The following AVEN variants were observed in gnomAD, a reference collection of about 807,000 sequenced individuals.
The protein encoded by AVEN is apoptosis and caspase activation inhibitor.
AVEN carries 41 observed loss-of-function variants against 38.1 expected under a neutral mutation model. The observed-to-expected ratio is 1.08, with a 90% confidence interval of 0.84 to 1.40. The LOEUF (loss-of-function observed/expected upper bound fraction) is 1.40. Ranked by LOEUF, AVEN falls within the 40% of genes most tolerant of loss-of-function variation. The pLI is 0.00. For missense variants in AVEN, 605 were observed against 438.8 expected (o/e 1.38, Z -3.38); for synonymous variants, 206 against 171.8 (o/e 1.20, Z -1.56).
intron 4 of AVEN, chr15:34,065,660 T>C (rs1006438536): frequency 6.6e-6 from 1 of 152,060 alleles, no homozygotes; most frequent in Non-Finnish European, 1.5e-5. Flanking sequence ...ATAAAACAGT[T>C]GACATGCATG....
chr15:33,947,668 T>C (rs1199649267), intron 2 of AVEN, among the ~76,000 whole-genome samples: 2 of 152,222 alleles, frequency 1.3e-5, no homozygotes, highest in African/African-American at 4.8e-5. Context: ...ATAAATGCTA[T>C]GTAAATAGTT....
intron 2 of AVEN, among the ~76,000 whole-genome samples, chr15:33,976,631 A>G (rs1407295659): frequency 6.6e-6 from 1 of 152,172 alleles, no homozygotes; most frequent in African/African-American, 2.4e-5. Context: ...AGTATCAGGA[A>G]TAGGACCTTC....
downstream of AVEN, chr15:33,856,120 C>G (rs1232883468): frequency 1.3e-5 from 2 of 152,220 alleles, no homozygotes; most frequent in African/African-American, 2.4e-5. Flanking sequence ...ATGTCTCACC[C>G]AAGACCACAC....
chr15:34,022,488 T>G (rs1898245681), intron 1 of AVEN, among the ~76,000 whole-genome samples: 1 of 152,156 alleles, frequency 6.6e-6, no homozygotes, highest in Admixed American at 6.5e-5. Flanking sequence ...AGGTGGATTT[T>G]CTCAAAGCTC....
intron 2 of AVEN, among the ~76,000 whole-genome samples, chr15:33,962,795 A>T (rs1469372620): frequency 6.6e-6 from 1 of 152,028 alleles, no homozygotes; most frequent in African/African-American, 2.4e-5. Flanking sequence ...AGGCACATAC[A>T]TGTAGTCACA....
rs867392616 is a variant in AVEN, at chr15:34,071,877, G to A, written n.721-1226C>T. 4.6e-5 allele frequency among the ~76,000 whole-genome samples: 7 copies of A among 152,256 alleles called. No individual in the cohort carries two copies. In the Middle Eastern group the frequency reaches 0.01, roughly 222 times the overall value. On this transcript the variant is annotated intron_variant and non_coding_transcript_variant, in intron 1 of 11. Coordinates refer to the AVEN transcript ENST00000675287. ...CCCAAAAGATAGGACTTATCAATAAGAGTCAGAAACAAAATGAAGTCTTTA... is the reference window on the plus strand; with the variant it reads ...CCCAAAAGATAGGACTTATCAATAAAAGTCAGAAACAAAATGAAGTCTTTA...
intron 2 of AVEN, among the ~76,000 whole-genome samples, chr15:33,930,407 T>G (rs745416988): frequency 6.6e-4 from 101 of 152,246 alleles, no homozygotes; most frequent in Middle Eastern, 3.4e-3. Flanking sequence ...AGGTTCAGTT[T>G]AAGCCAAGTA....
upstream of AVEN, among the ~76,000 whole-genome samples, chr15:34,042,602 C>G (rs1441740369): frequency 6.6e-6 from 1 of 151,746 alleles, no homozygotes; most frequent in African/African-American, 2.4e-5. Context: ...GGGGTTTCTC[C>G]ATGTTGGTCA....
intron 3 of AVEN, among the ~76,000 whole-genome samples, chr15:33,874,711 G>T (rs1161547711): frequency 6.6e-6 from 1 of 152,218 alleles, no homozygotes; most frequent in Non-Finnish European, 1.5e-5. Flanking sequence ...GGCATGGTCT[G>T]TCTCATTCAC....
intron 5 of AVEN, chr15:34,062,594 A>G: frequency 1.2e-6 from 1 of 823,708 alleles, no homozygotes; most frequent in South Asian, 1.8e-5. Flanking sequence ...ATGGATGGAC[A>G]AGAAAATCAT....
intron 2 of AVEN, among the ~76,000 whole-genome samples, chr15:33,888,880 T>C (rs144096460): frequency 0.018 from 2,751 of 152,130 alleles, 30 homozygotes; most frequent in South Asian, 0.025. Context: ...CCTCCCCAAG[T>C]AGCTAGGACT....
At chr15:33,867,898 G>C (rs1011253914) in intron 4 of AVEN, 43 bp from the exon 5 acceptor site, 33 of 1,523,250 alleles carry the variant, frequency 2.2e-5, no homozygotes, top group Non-Finnish European at 2.8e-5. Flanking sequence ...TGTGAGTCTT[G>C]CCATATTGGC....
At chr15:33,934,221 A>C (rs968741777) in intron 2 of AVEN, among the ~76,000 whole-genome samples, 1 of 151,960 alleles carries the variant, frequency 6.6e-6, no homozygotes, top group African/African-American at 2.4e-5. Context: ...AAAAAAAAAA[A>C]AAAATTAGCC....
intron 2 of AVEN, among the ~76,000 whole-genome samples, chr15:33,933,716 T>C (rs146081975): frequency 0.01 from 1,571 of 152,252 alleles, 22 homozygotes; most frequent in African/African-American, 0.036. Context: ...CCCAGCACTT[T>C]GGGAGGATGA....
chr15:33,951,579 G>T (rs1419364724), intron 2 of AVEN, among the ~76,000 whole-genome samples: 2 of 149,220 alleles, frequency 1.3e-5, no homozygotes, highest in Admixed American at 6.7e-5. Context: ...AAAAAAAGAT[G>T]CAATTTGCCA....
intron 1 of AVEN, among the ~76,000 whole-genome samples, chr15:34,033,234 G>A (rs947887387): frequency 5.9e-5 from 9 of 152,076 alleles, no homozygotes; most frequent in East Asian, 1.9e-4. Flanking sequence ...GGCTGGGCGC[G>A]GTGGCTCATG....
At chr15:33,933,516 CACACACACAG>C (rs1773549245) in intron 2 of AVEN, among the ~76,000 whole-genome samples, 7 of 120,152 alleles carry the variant, frequency 5.8e-5, no homozygotes, top group African/African-American at 1.6e-4. Context: ...CACACACACA[CACACACACAG>C]AGAGAGAGAG....
At chr15:33,882,181 C>A (rs1010918935) in intron 2 of AVEN, among the ~76,000 whole-genome samples, 8 of 152,062 alleles carry the variant, frequency 5.3e-5, no homozygotes, top group East Asian at 1.9e-4. Flanking sequence ...TATTACATAG[C>A]CTGCTTAAAA....
intron 2 of AVEN, among the ~76,000 whole-genome samples, chr15:33,982,654 T>A (rs1393426816): frequency 6.6e-6 from 1 of 152,166 alleles, no homozygotes; most frequent in Non-Finnish European, 1.5e-5. Context: ...AATTTTTGAA[T>A]TTAGTAATGG....
Sources: allele counts gnomAD v4.1 joint callset (sites outside exome capture counted in the v4.1 genomes callset), GRCh38; gene constraint gnomAD v4.1.1; transcripts MANE v1.5; gene names NCBI Gene and HGNC (gene_info 2026-07-23, HGNC 2026-07-21).